The following FBXL20 variants were observed in gnomAD, a reference collection of about 807,000 sequenced individuals.
FBXL20 encodes the protein F-box/LRR-repeat protein 20.
FBXL20 carries 11 observed loss-of-function variants against 64.0 expected under a neutral mutation model. The observed-to-expected ratio is 0.17, with a 90% CI of 0.11 to 0.28. FBXL20 has a LOEUF of 0.28. Ranked by LOEUF, FBXL20 falls within the 10% of genes least tolerant of loss-of-function variation. The pLI is 1.00. For synonymous variants in FBXL20, 184 were observed against 189.0 expected (o/e 0.97, Z 0.22); for missense variants, 303 against 526.2 (o/e 0.58, Z 4.15).
In FBXL20 at chr17:39,298,993, A is replaced by G; in HGVS notation, c.326T>C (p.Leu109Ser). Reference sequence around the variant, plus strand: ...TAATCAATAGTTATGTTTTTACCTTAATGCATTGTCTCCCACTCCAAGACA... The same window carrying G: ...TAATCAATAGTTATGTTTTTACCTTGATGCATTGTCTCCCACTCCAAGACA... ...RGCLGVGDNA[L>S]RTFAQNCRNI... The change falls in exon 5 of 15, where the codon TTA becomes TCA. Residue 109 changes from leucine (L) to serine (S), a missense_variant. This residue lies in a region of FBXL20 where 246 missense variants were observed against 422.6 expected (regional missense o/e 0.58). Transcript: ENST00000264658. 6.2e-7 allele frequency: 1 copy of G among 1,610,998 alleles called. No individual in the cohort carries two copies. The highest frequency in any genetic ancestry group is 8.5e-7 in the Non-Finnish European group (1 of 1,177,732).
chr17:39,373,008 T>TG (rs1214078688), intron 1 of FBXL20, among the ~76,000 whole-genome samples: 1 of 142,814 alleles, frequency 7.0e-6, no homozygotes, highest in Non-Finnish European at 1.5e-5. Context: ...TTTTCTTTTC[T>TG]TTTTTTTTTT....
intron 1 of FBXL20, among the ~76,000 whole-genome samples, chr17:39,399,407 C>T (rs2048218962): frequency 6.6e-6 from 1 of 152,160 alleles, no homozygotes; most frequent in Admixed American, 6.6e-5. Context: ...TCCTAAGAAG[C>T]CAATTACTAA....
chr17:39,354,153 A>G (rs886078359), intron 1 of FBXL20, among the ~76,000 whole-genome samples: 2 of 152,330 alleles, frequency 1.3e-5, no homozygotes, highest in African/African-American at 4.8e-5. Context: ...TAAAAACCAA[A>G]AGCATCTGTG....
chr17:39,396,969 A>C (rs72825171), intron 1 of FBXL20, among the ~76,000 whole-genome samples: 18 of 149,572 alleles, frequency 1.2e-4, no homozygotes, highest in African/African-American at 2.0e-4. Flanking sequence ...AAAAAAAAAA[A>C]AAAAAAATCC....
chr17:39,307,070 G>A (rs1338466595), intron 2 of FBXL20, among the ~76,000 whole-genome samples: 1 of 152,142 alleles, frequency 6.6e-6, no homozygotes, highest in Non-Finnish European at 1.5e-5. Flanking sequence ...TTAAAATGAT[G>A]AGCAGTATCT....
At chr17:39,397,826 T>TAA (rs931345228) in intron 1 of FBXL20, among the ~76,000 whole-genome samples, 18 of 133,290 alleles carry the variant, frequency 1.4e-4, no homozygotes, top group African/African-American at 4.7e-4. Flanking sequence ...CTAGTCATGC[T>TAA]AAAAAAAAAA....
intron 9 of FBXL20, 58 bp downstream of exon 9, chr17:39,281,331 T>C: frequency 6.6e-7 from 1 of 1,519,862 alleles, no homozygotes; most frequent in Non-Finnish European, 9.1e-7. Flanking sequence ...AAATAGCTCT[T>C]AAAAATTTTA....
At position 39,254,753 on chromosome 17, in the gene FBXL20, C is replaced by A. The variant is rs964792656; in HGVS notation, c.*6707G>T. 1 of 154,490 alleles carries A rather than the reference C, an allele frequency of 6.5e-6. No individual in the cohort carries two copies. The highest frequency in any genetic ancestry group is 2.4e-5 in the African/African-American group (1 of 41,514). The allele number at this position is 154,490 out of a possible 1,614,324, so 9.6% of individuals were successfully genotyped here. ...CCCCAATTCTAGAGCTAATTATCTG[C>A]TTTATTTGAAACTTGTCTATCATTT... On this transcript the variant is annotated 3_prime_UTR_variant, in exon 15 of 15. Coordinates refer to ENST00000264658, the MANE Select transcript of FBXL20 (RefSeq NM_032875.3).
intron 9 of FBXL20, among the ~76,000 whole-genome samples, chr17:39,275,747 A>G (rs1004586612): frequency 4.1e-4 from 63 of 152,238 alleles, no homozygotes; most frequent in African/African-American, 1.5e-3. Context: ...AGATAAGGAT[A>G]TAAGTATTTT....
chr17:39,369,171 A>AGTATATTTTCTGGTTG (rs2047890486), intron 1 of FBXL20, among the ~76,000 whole-genome samples: 1 of 152,106 alleles, frequency 6.6e-6, no homozygotes, highest in South Asian at 2.1e-4. Flanking sequence ...AAAATCATAA[A>AGTATATTTTCTGGTTG]GTACAGTATA....
chr17:39,275,439 T>C (rs1053005226), intron 9 of FBXL20, among the ~76,000 whole-genome samples: 19 of 151,932 alleles, frequency 1.3e-4, no homozygotes, highest in African/African-American at 4.4e-4. Flanking sequence ...GGAGATAGAG[T>C]CTCACTCTAT....
intron 10 of FBXL20, among the ~76,000 whole-genome samples, chr17:39,273,268 AGCCTCCCAAAGTGTT>A (rs1330178656): frequency 1.3e-5 from 2 of 152,098 alleles, no homozygotes; most frequent in East Asian, 3.9e-4. Flanking sequence ...CGCCCGCCTC[AGCCTCCCAAAGTGTT>A]GGGATTACAG....
intron 10 of FBXL20, among the ~76,000 whole-genome samples, chr17:39,273,766 G>A (rs970108973): frequency 6.7e-6 from 1 of 150,284 alleles, no homozygotes; most frequent in Non-Finnish European, 1.5e-5. Context: ...GTTGCAGTGA[G>A]CCGAGATCGC....
At chr17:39,330,000 A>T (rs1311645136) in intron 2 of FBXL20, among the ~76,000 whole-genome samples, 1 of 152,130 alleles carries the variant, frequency 6.6e-6, no homozygotes, top group Admixed American at 6.5e-5. Context: ...GTCTCAAAAA[A>T]ATCAAAAATA....
At chr17:39,370,858 C>A (rs2047911740) in intron 1 of FBXL20, among the ~76,000 whole-genome samples, 1 of 151,740 alleles carries the variant, frequency 6.6e-6, no homozygotes, top group African/African-American at 2.4e-5. Context: ...TACCTCTTTT[C>A]ACCCATTTCA....
chr17:39,323,723 C>T (rs1733330628), intron 2 of FBXL20, among the ~76,000 whole-genome samples: 1 of 151,982 alleles, frequency 6.6e-6, no homozygotes, highest in Admixed American at 6.6e-5. Flanking sequence ...TTAAGAATCT[C>T]TTCTCCTGGC....
chr17:39,313,008 TC>T (rs2047250428), intron 2 of FBXL20, among the ~76,000 whole-genome samples: 1 of 149,042 alleles, frequency 6.7e-6, no homozygotes, highest in Admixed American at 6.8e-5. Flanking sequence ...AACCTCTGTC[TC>T]CCGGGTTCAA....
At chr17:39,374,234 A>G (rs556888956) in intron 1 of FBXL20, among the ~76,000 whole-genome samples, 1 of 151,878 alleles carries the variant, frequency 6.6e-6, no homozygotes, top group African/African-American at 2.4e-5. Context: ...CAAAGAAAAA[A>G]AGAAAAAAAA....
intron 2 of FBXL20, among the ~76,000 whole-genome samples, chr17:39,310,289 C>G (rs2047222221): frequency 6.6e-6 from 1 of 151,992 alleles, no homozygotes; most frequent in African/African-American, 2.4e-5. Context: ...GCCGATGTCA[C>G]AGCTAGAATT....
Sources: allele counts gnomAD v4.1 joint callset (sites outside exome capture counted in the v4.1 genomes callset), GRCh38; gene constraint gnomAD v4.1.1; regional missense constraint gnomAD v4.1.1; transcripts MANE v1.5; gene names NCBI Gene and HGNC (gene_info 2026-07-23, HGNC 2026-07-21).